Variants in LINGO2 observed in about 807,000 individuals in gnomAD.
LINGO2 encodes leucine rich repeat and Ig domain containing 2, also known as leucine-rich repeat and immunoglobulin-like domain-containing nogo receptor-interacting protein 2.
A neutral mutation model predicts 30.6 loss-of-function variants in LINGO2; 14 were observed. The observed-to-expected ratio is 0.46, with a 90% CI of 0.30 to 0.72. The LOEUF (loss-of-function observed/expected upper bound fraction) is 0.72. LINGO2 is among the 30% of genes least tolerant of loss of function. The probability of loss-of-function intolerance (pLI) is 0.07; values close to 1 mark genes in which losing one functional copy is unlikely to be tolerated. For synonymous variants in LINGO2, 317 were observed against 288.5 expected (o/e 1.10, Z -1.00); for missense variants, 729 against 751.7 (o/e 0.97, Z 0.35).
At chr9:28,492,057 G>A (rs1826415595) in intron 1 of LINGO2, among the ~76,000 whole-genome samples, 2 of 152,280 alleles carry the variant, frequency 1.3e-5, no homozygotes, top group South Asian at 2.1e-4. Context: ...ATCATTGTAT[G>A]GGGCACTTAG....
At position 28,586,747 on chromosome 9, in the gene LINGO2, T is replaced by C. The variant is rs191608864; in HGVS notation, c.-365+83453A>G. Among the ~76,000 whole-genome samples, 826 of 152,106 alleles carry C rather than the reference T, an allele frequency of 5.4e-3. 4 individuals are homozygous for C. The highest frequency in any genetic ancestry group is 8.2e-3 in the Non-Finnish European group (557 of 67,956). ...ATTTCAGCTCTTATAGAAGGATAAC[T>C]TGGGTTTCTCAAAGGTGAGCAGGGC... is the stretch of plus-strand genomic sequence containing the variant. On this transcript the variant is annotated intron_variant, in intron 1 of 5. Transcript: ENST00000379992.
chr9:28,823,208 T>G, the LINGO2 span, among the ~76,000 whole-genome samples: 1 of 152,126 alleles, frequency 6.6e-6, no homozygotes, highest in Admixed American at 6.6e-5. Context: ...AGGACCTTCC[T>G]GGAGTGTGTC....
the LINGO2 span, among the ~76,000 whole-genome samples, chr9:28,968,845 C>A: frequency 6.6e-6 from 1 of 152,080 alleles, no homozygotes; most frequent in South Asian, 2.1e-4. Context: ...ACATGGCAAT[C>A]AGATCTTTAT....
chr9:29,031,199 T>G, the LINGO2 span, among the ~76,000 whole-genome samples: 2 of 152,246 alleles, frequency 1.3e-5, no homozygotes, highest in South Asian at 4.1e-4. Context: ...TAAGCACTTT[T>G]TCATGTTTGG....
At chr9:28,649,338 CCACT>C (rs1270397021) in intron 1 of LINGO2, among the ~76,000 whole-genome samples, 2 of 126,036 alleles carry the variant, frequency 1.6e-5, no homozygotes, top group South Asian at 2.4e-4. Context: ...AATGTTGCTC[CCACT>C]CAAACTATTA....
intron 1 of LINGO2, among the ~76,000 whole-genome samples, chr9:28,632,041 T>G (rs1207870047): frequency 6.6e-6 from 1 of 152,230 alleles, no homozygotes; most frequent in East Asian, 1.9e-4. Flanking sequence ...ACATCCAGTG[T>G]TGCAGGAGGG....
chr9:28,309,606 A>C (rs1824526613), intron 3 of LINGO2, among the ~76,000 whole-genome samples: 1 of 152,008 alleles, frequency 6.6e-6, no homozygotes, highest in South Asian at 2.1e-4. Context: ...AACAAAACAA[A>C]AATTAGGGTA....
At chr9:28,219,421 T>C (rs1438024948) in intron 4 of LINGO2, among the ~76,000 whole-genome samples, 1 of 152,196 alleles carries the variant, frequency 6.6e-6, no homozygotes, top group East Asian at 1.9e-4. Context: ...GGTTCTTTTT[T>C]AAGGTCTCAT....
At chr9:29,183,010 T>C in the LINGO2 span, among the ~76,000 whole-genome samples, 3 of 152,084 alleles carry the variant, frequency 2.0e-5, no homozygotes, top group Non-Finnish European at 4.4e-5. Context: ...GTGCAAAACC[T>C]GCATGTGGGC....
At chr9:28,477,577 G>A (rs1242879589) in intron 1 of LINGO2, among the ~76,000 whole-genome samples, 1 of 152,080 alleles carries the variant, frequency 6.6e-6, no homozygotes, top group Non-Finnish European at 1.5e-5. Context: ...CAGAAATGTA[G>A]GCATCTCCTT....
At chr9:28,098,439 ACTGT>A (rs1488327760) in intron 4 of LINGO2, among the ~76,000 whole-genome samples, 4 of 152,178 alleles carry the variant, frequency 2.6e-5, no homozygotes, top group Non-Finnish European at 5.9e-5. Context: ...TTTCTTTGTC[ACTGT>A]CTGTTTCCTA....
intron 2 of LINGO2, among the ~76,000 whole-genome samples, chr9:28,444,719 G>A (rs1417761630): frequency 2.6e-5 from 4 of 152,186 alleles, no homozygotes; most frequent in Non-Finnish European, 5.9e-5. Flanking sequence ...CTGGAGCCTT[G>A]CATGGAGCCA....
At chr9:28,651,156 C>G (rs1156459617) in intron 1 of LINGO2, among the ~76,000 whole-genome samples, 1 of 150,744 alleles carries the variant, frequency 6.6e-6, no homozygotes, top group East Asian at 2.0e-4. Context: ...GTACTCCAGC[C>G]TGGGCGACAG....
intron 1 of LINGO2, among the ~76,000 whole-genome samples, chr9:28,502,380 T>A (rs1819928406): frequency 6.6e-6 from 1 of 152,086 alleles, no homozygotes; most frequent in Non-Finnish European, 1.5e-5. Flanking sequence ...TTCATTTTTC[T>A]GATTTCCACA....
chr9:28,367,952 G>C (rs1225779262), intron 3 of LINGO2, among the ~76,000 whole-genome samples: 1 of 151,356 alleles, frequency 6.6e-6, no homozygotes, highest in Non-Finnish European at 1.5e-5. Context: ...TCTCCTTAAG[G>C]GTAACTTCCA....
intron 4 of LINGO2, among the ~76,000 whole-genome samples, chr9:28,151,863 G>A (rs1003583562): frequency 6.6e-6 from 1 of 151,930 alleles, no homozygotes; most frequent in Non-Finnish European, 1.5e-5. Context: ...TTGAATAGAT[G>A]GATATTTTCA....
At chr9:28,968,546 C>A in the LINGO2 span, among the ~76,000 whole-genome samples, 1 of 152,106 alleles carries the variant, frequency 6.6e-6, no homozygotes, top group African/African-American at 2.4e-5. Flanking sequence ...TGTTACACTT[C>A]ACTTTTGTAC....
At chr9:28,346,500 C>T (rs563799007) in intron 3 of LINGO2, among the ~76,000 whole-genome samples, 9 of 152,188 alleles carry the variant, frequency 5.9e-5, no homozygotes, top group Admixed American at 2.0e-4. Context: ...AATGAACATA[C>T]GTGTGCATGT....
At chr9:28,823,231 T>A in the LINGO2 span, among the ~76,000 whole-genome samples, 1 of 152,066 alleles carries the variant, frequency 6.6e-6, no homozygotes, top group African/African-American at 2.4e-5. Flanking sequence ...ATGTTAGCAG[T>A]AGGGGGAATT....
Sources: gnomAD v4.1 joint callset for allele counts (sites outside exome capture counted in the v4.1 genomes callset) on GRCh38, gnomAD v4.1.1 for gene constraint, MANE v1.5 for transcripts, NCBI Gene and HGNC (gene_info 2026-07-23, HGNC 2026-07-21) for gene names.